CENPW: variants seen among roughly 807,000 people sequenced by gnomAD.
The protein encoded by CENPW is centromere protein W, also known as cancer-up-regulated gene 2 protein.
Under a neutral mutation model 11.1 loss-of-function variants are expected in CENPW, and 3 were observed. The observed-to-expected ratio is 0.27, with a 90% CI of 0.12 to 0.70. The LOEUF is 0.70. Ranked by LOEUF, CENPW falls within the 30% of genes least tolerant of loss-of-function variation. The pLI is 0.77. For missense variants in CENPW, 100 were observed against 105.6 expected (o/e 0.95, Z 0.23); for synonymous variants, 38 against 42.0 (o/e 0.91, Z 0.37).
At chr6:126,378,186 G>T in the CENPW span, among the ~76,000 whole-genome samples, 18 of 152,210 alleles carry the variant, frequency 1.2e-4, no homozygotes, top group African/African-American at 3.9e-4. Context: ...GTAATAAGTG[G>T]TGTTATTTCT....
rs1281083623 is a variant in CENPW at position 126,340,286 on chromosome 6, A to G, written c.13A>G (p.Thr5Ala). The G allele has an allele frequency of 1.2e-6, 2 of 1,613,536 alleles. No homozygotes were observed. Among genetic ancestry groups the G allele is most frequent in the Non-Finnish European group, 8.5e-7 (1 of 1,180,032 alleles). Residue 5 changes from threonine (T) to alanine (A), a missense_variant, in exon 1 of 3, where the codon ACC becomes GCC. Coordinates refer to ENST00000368328, the MANE Select transcript of CENPW (RefSeq NM_001012507.4). MALS[T>A]IVSQRKQIKR... is the part of the protein sequence containing the mutation. ...CTTGACAGAGAGGATGGCGCTGTCG[A>G]CCATAGTCTCCCAGAGGAAGCAGAT...
chr6:126,480,063 T>G, the CENPW span, among the ~76,000 whole-genome samples: 2 of 152,004 alleles, frequency 1.3e-5, no homozygotes, highest in Non-Finnish European at 2.9e-5. Flanking sequence ...TAAGGTTTAG[T>G]GCATGTTATA....
the CENPW span, among the ~76,000 whole-genome samples, chr6:126,458,256 C>T: frequency 2.0e-5 from 3 of 151,352 alleles, no homozygotes; most frequent in South Asian, 6.3e-4. Flanking sequence ...TTATTCTGAG[C>T]GATCTCAGGA....
chr6:126,355,849 T>C, the CENPW span, among the ~76,000 whole-genome samples: 1 of 152,148 alleles, frequency 6.6e-6, no homozygotes, highest in South Asian at 2.1e-4. Context: ...TCTTTAGTAC[T>C]CAAAGTCCAT....
chr6:126,382,350 C>T, the CENPW span, among the ~76,000 whole-genome samples: 2 of 152,122 alleles, frequency 1.3e-5, no homozygotes, highest in Middle Eastern at 3.4e-3. Context: ...GAGAAAGAAC[C>T]AGCACAAGAA....
chr6:126,373,271 A>G, the CENPW span, among the ~76,000 whole-genome samples: 79 of 152,332 alleles, frequency 5.2e-4, no homozygotes, highest in East Asian at 0.012. Context: ...TTAACACACT[A>G]TGCTTGAGAA....
At chr6:126,368,943 C>T in the CENPW span, among the ~76,000 whole-genome samples, 1 of 152,178 alleles carries the variant, frequency 6.6e-6, no homozygotes, top group Admixed American at 6.5e-5. Flanking sequence ...CACCCTCCTC[C>T]CACCCTTTCC....
At chr6:126,386,778 G>C in the CENPW span, among the ~76,000 whole-genome samples, 1 of 151,882 alleles carries the variant, frequency 6.6e-6, no homozygotes, top group Non-Finnish European at 1.5e-5. Flanking sequence ...AATAAGACAT[G>C]AACTTGATAC....
At chr6:126,401,879 C>T in the CENPW span, among the ~76,000 whole-genome samples, 1 of 152,070 alleles carries the variant, frequency 6.6e-6, no homozygotes, top group Non-Finnish European at 1.5e-5. Flanking sequence ...GTGTTCTATA[C>T]TCTCAGCTGG....
the CENPW span, among the ~76,000 whole-genome samples, chr6:126,403,507 A>C: frequency 3.9e-5 from 6 of 152,132 alleles, no homozygotes; most frequent in African/African-American, 1.4e-4. Flanking sequence ...CATTCTCTTA[A>C]GCTAAAGCCC....
chr6:126,475,416 AT>A, the CENPW span, among the ~76,000 whole-genome samples: 1 of 152,128 alleles, frequency 6.6e-6, no homozygotes, highest in Admixed American at 6.6e-5. Context: ...TTTAAAAAAA[AT>A]TTTTAAATAA....
At chr6:126,450,480 T>A in the CENPW span, among the ~76,000 whole-genome samples, 1 of 151,068 alleles carries the variant, frequency 6.6e-6, no homozygotes, top group African/African-American at 2.4e-5. Context: ...AGTACTAGAG[T>A]TGGTTGTCTC....
chr6:126,410,011 C>G, the CENPW span, among the ~76,000 whole-genome samples: 2 of 151,668 alleles, frequency 1.3e-5, no homozygotes, highest in African/African-American at 4.8e-5. Flanking sequence ...GTTTTATCAT[C>G]GTGATATGGT....
chr6:126,406,666 A>G, the CENPW span, among the ~76,000 whole-genome samples: 1 of 152,094 alleles, frequency 6.6e-6, no homozygotes, highest in Non-Finnish European at 1.5e-5. Context: ...AGCCTGGCCA[A>G]TATGGTGAAA....
chr6:126,446,841 T>C, the CENPW span, among the ~76,000 whole-genome samples: 1 of 151,336 alleles, frequency 6.6e-6, no homozygotes, highest in East Asian at 2.0e-4. Flanking sequence ...TGTGAGGATC[T>C]GGTCCAAAAT....
the CENPW span, among the ~76,000 whole-genome samples, chr6:126,435,034 G>T: frequency 2.6e-5 from 4 of 151,882 alleles, no homozygotes; most frequent in South Asian, 4.1e-4. Context: ...TCCTGCTAAG[G>T]TTTAAAAATA....
chr6:126,415,797 C>T, the CENPW span, among the ~76,000 whole-genome samples: 2 of 152,200 alleles, frequency 1.3e-5, no homozygotes, highest in Non-Finnish European at 2.9e-5. Flanking sequence ...ATTGTGAGGC[C>T]TCCCCAGCCA....
the CENPW span, among the ~76,000 whole-genome samples, chr6:126,457,370 A>G: frequency 2.0e-5 from 3 of 151,754 alleles, no homozygotes; most frequent in African/African-American, 4.8e-5. Context: ...ACCATAGAAT[A>G]CTATGCAGCC....
At chr6:126,361,295 C>A in the CENPW span, among the ~76,000 whole-genome samples, 2 of 151,948 alleles carry the variant, frequency 1.3e-5, no homozygotes, top group Non-Finnish European at 2.9e-5. Flanking sequence ...TTTTCTATTT[C>A]TTTCTTTCTT....
Sources: allele counts gnomAD v4.1 joint callset (sites outside exome capture counted in the v4.1 genomes callset), GRCh38; gene constraint gnomAD v4.1.1; transcripts MANE v1.5; gene names NCBI Gene and HGNC (gene_info 2026-07-23, HGNC 2026-07-21).